The following RICTOR variants were observed in gnomAD, a reference collection of about 807,000 sequenced individuals.
RICTOR encodes the protein RPTOR independent companion of MTOR complex 2, also known as rapamycin-insensitive companion of mTOR.
A neutral mutation model predicts 214.9 loss-of-function variants in RICTOR; 49 were observed. The ratio of observed to expected loss-of-function variants is 0.23; its 90% confidence interval spans 0.18 to 0.29. The LOEUF is 0.29. Ranked by LOEUF, RICTOR falls within the 10% of genes least tolerant of loss-of-function variation. The pLI, the probability that RICTOR is intolerant of heterozygous loss-of-function variation, is 1.00. For missense variants in RICTOR, 1,625 were observed against 2,047.0 expected (o/e 0.79, Z 3.98); for synonymous variants, 717 against 711.3 (o/e 1.01, Z -0.13).
rs77605608 is a variant in RICTOR at position 39,070,903 on chromosome 5, T to A, written c.97+3208A>T. On this transcript the variant is annotated intron_variant, in intron 2 of 37. Transcript: ENST00000357387. ...TATTTAATAATATCATTAGCAAATA[T>A]TGGGGACTTTCACAAATTAAGTAGT... 5.4e-3 allele frequency among the ~76,000 whole-genome samples: 825 copies of A among 152,280 alleles called. 10 individuals are homozygous for A. The highest frequency in any genetic ancestry group is 0.019 in the African/African-American group (784 of 41,534).
intron 19 of RICTOR, among the ~76,000 whole-genome samples, chr5:38,961,467 GATCTTTCAACATTAT>G (rs1470157994): frequency 1.3e-5 from 2 of 152,050 alleles, no homozygotes; most frequent in Admixed American, 6.6e-5. Context: ...CATAATTTAT[GATCTTTCAACATTAT>G]ATCTTTCAAC....
chr5:38,990,701 TCA>T (rs1752626984), intron 7 of RICTOR, among the ~76,000 whole-genome samples: 1 of 124,262 alleles, frequency 8.0e-6, no homozygotes, highest in African/African-American at 3.1e-5. Context: ...ATGATATATA[TCA>T]GATATGATAT....
In RICTOR at chr5:38,958,760, C is replaced by A. The variant is rs2150014721; in HGVS notation, c.2250G>T (p.Trp750Cys). 6.2e-7 allele frequency: 1 copy of A among 1,610,234 alleles called. No homozygotes were observed. Among genetic ancestry groups the A allele is most frequent in the Non-Finnish European group, 8.5e-7 (1 of 1,177,564 alleles). ...LRANVEFFNN[W>C]GIELLVTQLH... ...GCTGGGTCACTAACAACTCAATTCC[C>A]CAATTATTAAAGAATTCAACATTAG... Residue 750 changes from tryptophan to cysteine, a missense_variant, in exon 23 of 38, where the codon TGG becomes TGT. Trp to Cys is a radical substitution (Grantham distance 215). Transcript: ENST00000357387.
chr5:38,947,592 A>T (rs1748347684), intron 31 of RICTOR, 151 bp from the exon 32 acceptor site: 7 of 607,626 alleles, frequency 1.2e-5, no homozygotes, highest in Non-Finnish European at 2.0e-5. Context: ...ACACATAAAC[A>T]CTTTAAAATA....
intron 7 of RICTOR, among the ~76,000 whole-genome samples, chr5:38,983,978 A>G (rs1286956481): frequency 6.6e-6 from 1 of 152,112 alleles, no homozygotes. Flanking sequence ...AACAAAAACA[A>G]AACAAAACAA....
chr5:38,942,393 G>A lies in RICTOR; in HGVS notation c.5053-15C>T, dbSNP rs762389491. The A allele has an allele frequency of 4.6e-6, 7 of 1,533,546 alleles. No homozygotes were observed. The South Asian group carries it at 7.2e-5, about 16-fold the overall frequency. 95.0% of individuals were successfully genotyped at this position (1,533,546 alleles called of 1,614,324 possible). A position where few individuals can be genotyped will look rare whatever the true frequency, so the allele number is the denominator to read the frequency against. Reference sequence around the variant, plus strand: ...TCTTCATGCATCTAGGGAAAAAATGGTGTATCATCAATTACTTTTATAAAA... The same window carrying A: ...TCTTCATGCATCTAGGGAAAAAATGATGTATCATCAATTACTTTTATAAAA... On this transcript the variant is annotated splice_polypyrimidine_tract_variant and intron_variant, in intron 37 of 37. Coordinates refer to ENST00000357387, the MANE Select transcript of RICTOR (RefSeq NM_152756.5).
intron 9 of RICTOR, 25 bp from the exon 10 acceptor site, chr5:38,975,629 G>A (rs751467578): frequency 6.3e-7 from 1 of 1,584,944 alleles, no homozygotes; most frequent in East Asian, 2.2e-5. Flanking sequence ...GAGGCAGCGG[G>A]GAGAATCAAT....
chr5:39,000,476 GTTTA>G (rs1313934722), intron 5 of RICTOR, among the ~76,000 whole-genome samples: 3 of 151,888 alleles, frequency 2.0e-5, no homozygotes, highest in Non-Finnish European at 2.9e-5. Flanking sequence ...AAATAGTGGT[GTTTA>G]TTTAAAGAAT....
At chr5:38,959,129 C>A in intron 22 of RICTOR, 66 bp downstream of exon 22, 1 of 1,258,272 alleles carries the variant, frequency 7.9e-7, no homozygotes, top group African/African-American at 1.5e-5. Context: ...TTTACTTAGC[C>A]CAAAATTCAT....
At chr5:38,944,376 AT>A in intron 36 of RICTOR, 69 bp downstream of exon 36, 1 of 1,472,614 alleles carries the variant, frequency 6.8e-7, no homozygotes, top group Non-Finnish European at 9.3e-7. Context: ...CTTTTGAAGT[AT>A]TTCAAGTATC....
intron 5 of RICTOR, among the ~76,000 whole-genome samples, chr5:38,999,246 G>T (rs1038093182): frequency 6.6e-6 from 1 of 151,696 alleles, no homozygotes; most frequent in African/African-American, 2.4e-5. Flanking sequence ...GATCCAACAT[G>T]TGTATAGATG....
intron 3 of RICTOR, among the ~76,000 whole-genome samples, chr5:39,011,776 C>G (rs967939144): frequency 6.6e-6 from 1 of 152,100 alleles, no homozygotes; most frequent in African/African-American, 2.4e-5. Context: ...CAATTTCTCC[C>G]CTTTGGAATG....
rs1747551171 is a variant in RICTOR, at chr5:38,941,333, T to A, written c.*971A>T. On this transcript the variant is annotated 3_prime_UTR_variant, in exon 38 of 38. Transcript: ENST00000357387. ...TAACAAGCTTTATTAATGTTTTTTT[T>A]AAGGAAATATGGCTCTTCTTTCCCC... 2 of 231,652 alleles carry A rather than the reference T, an allele frequency of 8.6e-6. No homozygotes were observed. The highest frequency in any genetic ancestry group is 5.6e-5 in the Admixed American group (1 of 17,716). The allele number at this position is 231,652 out of a possible 1,614,324, so 14.3% of individuals were successfully genotyped here.
At chr5:38,947,107 A>G (rs1335432819) in intron 32 of RICTOR, among the ~76,000 whole-genome samples, 157 bp downstream of exon 32, 1 of 152,150 alleles carries the variant, frequency 6.6e-6, no homozygotes. Context: ...AGGGCAAAAT[A>G]ATTTTAATCT....
intron 5 of RICTOR, among the ~76,000 whole-genome samples, chr5:39,002,051 T>G (rs1428073969): frequency 6.6e-6 from 1 of 151,748 alleles, no homozygotes; most frequent in Non-Finnish European, 1.5e-5. Flanking sequence ...CTTGCAGCCT[T>G]CTACAAGAAC....
intron 2 of RICTOR, among the ~76,000 whole-genome samples, chr5:39,025,986 G>A (rs1349398288): frequency 6.6e-6 from 1 of 152,098 alleles, no homozygotes; most frequent in East Asian, 1.9e-4. Context: ...GGGGGATAGG[G>A]TGACTAGATA....
chr5:38,963,446 C>G (rs1169121639), intron 16 of RICTOR, among the ~76,000 whole-genome samples: 1 of 151,934 alleles, frequency 6.6e-6, no homozygotes, highest in Non-Finnish European at 1.5e-5. Context: ...TCACTGTACT[C>G]CCATATGGAT....
chr5:38,961,591 G>C (rs1244497917), intron 19 of RICTOR, among the ~76,000 whole-genome samples: 1 of 152,132 alleles, frequency 6.6e-6, no homozygotes, highest in East Asian at 1.9e-4. Flanking sequence ...GGAAAACAAA[G>C]TTGAGTAAGA....
chr5:38,953,355 T>C lies in RICTOR; in HGVS notation c.2790+106A>G, dbSNP rs927269935. On this transcript the variant is annotated intron_variant, in intron 28 of 37. Transcript: ENST00000357387. ...GGAACAATCCAGTCTTAAATATTAA[T>C]CTAATAAGTAGTTCCAAAGAAAATA... The C allele has an allele frequency of 7.3e-6, 4 of 545,374 alleles. No homozygotes were observed. In the East Asian group the frequency reaches 1.3e-4, roughly 17 times the overall value. 33.8% of individuals were successfully genotyped at this position (545,374 alleles called of 1,614,324 possible). A position where few individuals can be genotyped will look rare whatever the true frequency, so the allele number is the denominator to read the frequency against.
Sources: gnomAD v4.1 joint callset for allele counts (sites outside exome capture counted in the v4.1 genomes callset) on GRCh38, gnomAD v4.1.1 for gene constraint, MANE v1.5 for transcripts, NCBI Gene and HGNC (gene_info 2026-07-23, HGNC 2026-07-21) for gene names.